The following AGFG1 variants were observed in gnomAD, a reference collection of about 807,000 sequenced individuals.
AGFG1 encodes the protein arf-GAP domain and FG repeat-containing protein 1.
AGFG1 carries 10 observed loss-of-function variants against 60.6 expected under a neutral mutation model. The ratio of observed to expected loss-of-function variants is 0.16; its 90% CI spans 0.10 to 0.28. The LOEUF is 0.28. AGFG1 is among the 10% of genes least tolerant of loss of function. The pLI, the probability that AGFG1 is intolerant of heterozygous loss-of-function variation, is 1.00. For missense variants in AGFG1, 537 were observed against 676.5 expected (o/e 0.79, Z 2.29); for synonymous variants, 247 against 242.9 (o/e 1.02, Z -0.16).
chr2:227,535,535 A>G (rs1454917549), intron 8 of AGFG1, among the ~76,000 whole-genome samples: 1 of 152,214 alleles, frequency 6.6e-6, no homozygotes, highest in Non-Finnish European at 1.5e-5. Context: ...ATCTGTTAGA[A>G]TTCTTGGCAG....
chr2:227,553,875 C>A, intron 12 of AGFG1, 80 bp downstream of exon 12: 1 of 1,059,010 alleles, frequency 9.4e-7, no homozygotes, highest in South Asian at 1.4e-5. Flanking sequence ...TGTTAATATT[C>A]CTAGATGGTA....
chr2:227,553,548 T>C (rs939300244), intron 11 of AGFG1, among the ~76,000 whole-genome samples, 156 bp from the exon 12 acceptor site: 1 of 152,086 alleles, frequency 6.6e-6, no homozygotes, highest in Non-Finnish European at 1.5e-5. Context: ...AGTTTGTCTT[T>C]GGTATCTGAA....
intron 10 of AGFG1, among the ~76,000 whole-genome samples, chr2:227,543,678 G>A (rs1424081037): frequency 2.6e-5 from 4 of 152,146 alleles, no homozygotes; most frequent in South Asian, 2.1e-4. Context: ...GGTCTGCTTG[G>A]TGCAGAGCAG....
intron 2 of AGFG1, among the ~76,000 whole-genome samples, chr2:227,497,590 T>C (rs536812177): frequency 9.9e-5 from 15 of 152,248 alleles, no homozygotes; most frequent in African/African-American, 3.1e-4. Context: ...TTTTTGTTAT[T>C]GCTCTTAGTT....
Position 227,555,166 on chromosome 2 carries a change from G to A in AGFG1, c.*671G>A, listed in dbSNP as rs1692935937. On this transcript the variant is annotated 3_prime_UTR_variant, in exon 13 of 13. Transcript: ENST00000310078. ...CTTGCTGCAATGCCTTTACCAAAGT[G>A]GCCTTAAATATGAGTAGTGAATTGA... The A allele has an allele frequency of 6.6e-6, 1 of 152,520 alleles. No individual in the cohort carries two copies. The highest frequency in any genetic ancestry group is 1.5e-5 in the Non-Finnish European group (1 of 67,984). 9.4% of individuals were successfully genotyped at this position (152,520 alleles called of 1,614,324 possible).
intron 2 of AGFG1, among the ~76,000 whole-genome samples, chr2:227,500,038 CG>C (rs1328274085): frequency 6.6e-6 from 1 of 152,166 alleles, no homozygotes; most frequent in Non-Finnish European, 1.5e-5. Context: ...TCTGTCAGGA[CG>C]GCAGCTGACA....
chr2:227,525,107 G>A (rs764105423), intron 5 of AGFG1, among the ~76,000 whole-genome samples, 192 bp downstream of exon 5: 22 of 152,200 alleles, frequency 1.4e-4, no homozygotes, highest in Non-Finnish European at 2.4e-4. Context: ...TATATTTAAT[G>A]TCGGTTGGCA....
chr2:227,514,242 T>A (rs1283834192), intron 2 of AGFG1, among the ~76,000 whole-genome samples: 3 of 152,146 alleles, frequency 2.0e-5, no homozygotes, highest in Non-Finnish European at 4.4e-5. Flanking sequence ...GAGACAGTCT[T>A]GCTCTGTCAC....
chr2:227,489,804 T>C (rs1381657888), intron 1 of AGFG1, among the ~76,000 whole-genome samples: 1 of 151,506 alleles, frequency 6.6e-6, no homozygotes, highest in Non-Finnish European at 1.5e-5. Context: ...CTTTGTGTTT[T>C]GACAAGCAAA....
At chr2:227,520,968 T>TA (rs1691807670) in intron 3 of AGFG1, among the ~76,000 whole-genome samples, 1 of 152,218 alleles carries the variant, frequency 6.6e-6, no homozygotes. Context: ...TGTTGTGGTT[T>TA]ACAGCAGAGG....
rs1191416154 is a variant in AGFG1 at position 227,559,848 on chromosome 2, T to C, written c.*5353T>C. Reference sequence around the variant, plus strand: ...TTGTAAACTAATCTTACATAGTCAATGTTTCATAGAATGCTTTGGTTACAA... The same window carrying C: ...TTGTAAACTAATCTTACATAGTCAACGTTTCATAGAATGCTTTGGTTACAA... On this transcript the variant is annotated 3_prime_UTR_variant, in exon 13 of 13. Transcript: ENST00000310078. 2 of 152,282 alleles carry C rather than the reference T, an allele frequency of 1.3e-5. No homozygotes were observed. The allele number at this position is 152,282 out of a possible 1,614,324, so 9.4% of individuals were successfully genotyped here.
intron 10 of AGFG1, among the ~76,000 whole-genome samples, chr2:227,550,315 A>G (rs1337904730): frequency 6.6e-6 from 1 of 152,236 alleles, no homozygotes; most frequent in African/African-American, 2.4e-5. Context: ...AAATGCTGAA[A>G]AGCATTACTG....
intron 2 of AGFG1, chr2:227,510,622 A>G (rs1198700760): frequency 1.3e-5 from 2 of 152,148 alleles, no homozygotes; most frequent in Non-Finnish European, 2.9e-5. Flanking sequence ...GGTTCCCATG[A>G]AGTATTTGTT....
At chr2:227,501,328 A>G (rs572133905) in intron 2 of AGFG1, among the ~76,000 whole-genome samples, 1 of 152,268 alleles carries the variant, frequency 6.6e-6, no homozygotes, top group Admixed American at 6.5e-5. Flanking sequence ...TGATCTGTCC[A>G]CCTTGGCCTC....
chr2:227,525,050 TA>T (rs1350356268), intron 5 of AGFG1, 135 bp downstream of exon 5: 18 of 984,950 alleles, frequency 1.8e-5, no homozygotes, highest in Non-Finnish European at 2.7e-5. Flanking sequence ...TGTTGAGCTG[TA>T]ATATGTAACC....
At chr2:227,543,460 C>T (rs1050123582) in intron 10 of AGFG1, among the ~76,000 whole-genome samples, 1 of 152,122 alleles carries the variant, frequency 6.6e-6, no homozygotes, top group East Asian at 1.9e-4. Context: ...TGTAGTTTTG[C>T]GGTTTTGATT....
chr2:227,519,881 A>G, intron 2 of AGFG1, 67 bp from the exon 3 acceptor site: 1 of 857,564 alleles, frequency 1.2e-6, no homozygotes, highest in Middle Eastern at 3.2e-4. Flanking sequence ...GAATCATAGT[A>G]TCCCCTTAAA....
At chr2:227,489,708 C>T (rs11894857) in intron 1 of AGFG1, among the ~76,000 whole-genome samples, 7,268 of 152,142 alleles carry the variant, frequency 0.048, 276 homozygotes, top group Middle Eastern at 0.12. Context: ...TGTAACTTGT[C>T]TTAATTCAGA....
At chr2:227,549,868 A>G (rs1273423946) in intron 10 of AGFG1, among the ~76,000 whole-genome samples, 1 of 152,230 alleles carries the variant, frequency 6.6e-6, no homozygotes, top group Non-Finnish European at 1.5e-5. Flanking sequence ...CAGTATAAAT[A>G]TTACAGGTCA....
Sources: gnomAD v4.1 joint callset for allele counts (sites outside exome capture counted in the v4.1 genomes callset) on GRCh38, gnomAD v4.1.1 for gene constraint, MANE v1.5 for transcripts, NCBI Gene and HGNC (gene_info 2026-07-23, HGNC 2026-07-21) for gene names.